The following STAT4 variants were observed in gnomAD, a reference collection of about 807,000 sequenced individuals.
STAT4 encodes signal transducer and activator of transcription 4.
A neutral mutation model predicts 110.5 loss-of-function variants in STAT4; 42 were observed. The observed-to-expected ratio is 0.38, with a 90% confidence interval of 0.30 to 0.49. The LOEUF (loss-of-function observed/expected upper bound fraction) is 0.49. Ranked by LOEUF, STAT4 falls within the 20% of genes least tolerant of loss-of-function variation. The pLI is 0.95. For synonymous variants in STAT4, 284 were observed against 302.2 expected (o/e 0.94, Z 0.63); for missense variants, 632 against 887.9 (o/e 0.71, Z 3.66).
At chr2:191,044,436 T>C (rs1478464435) in intron 14 of STAT4, among the ~76,000 whole-genome samples, 1 of 152,190 alleles carries the variant, frequency 6.6e-6, no homozygotes, top group African/African-American at 2.4e-5. Flanking sequence ...AGCCAAACTA[T>C]CAGTCAACTA....
chr2:191,041,243 A>T, intron 14 of STAT4, 95 bp from the exon 15 acceptor site: 2 of 523,966 alleles, frequency 3.8e-6, no homozygotes, highest in Non-Finnish European at 5.6e-6. Flanking sequence ...TTTATTAATA[A>T]ATTAATAAAG....
rs1477204569 is a variant in STAT4 at position 191,066,312 on chromosome 2, T to C, written c.630+118A>G. ...GGGACTGTTCCTAGAAACCTTGCCG[T>C]TTCTTCATTCAGTAAATGGAACTGA... On this transcript the variant is annotated intron_variant, in intron 7 of 23. Coordinates refer to ENST00000392320, the MANE Select transcript of STAT4 (RefSeq NM_003151.4). The surrounding 1 kb of genome is among the most constrained non-coding windows in gnomAD (Gnocchi z 4.3). 4 of 905,488 alleles carry C rather than the reference T, an allele frequency of 4.4e-6. No individual in the cohort carries two copies. 56.1% of individuals were successfully genotyped at this position (905,488 alleles called of 1,614,324 possible).
At chr2:191,041,022 G>T (rs1696183362) in intron 15 of STAT4, 43 bp downstream of exon 15, 2 of 1,287,538 alleles carry the variant, frequency 1.6e-6, no homozygotes, top group Admixed American at 2.8e-5. Context: ...ACCAATTCTT[G>T]CAAATGCCAT....
chr2:191,101,242 G>C (rs1330200987), intron 3 of STAT4, among the ~76,000 whole-genome samples: 1 of 152,002 alleles, frequency 6.6e-6, no homozygotes, highest in Non-Finnish European at 1.5e-5. Context: ...ACAAGATCTG[G>C]AGATAACCTA....
At position 191,112,675 on chromosome 2, in the gene STAT4, G is replaced by T. The variant is rs1158543252; in HGVS notation, c.273+33938C>A. ...GTACGACCTCATTTTTGACAACTTTGTGAGGTGTTATTATTACTCCATTTC... is the reference window on the plus strand; with the variant it reads ...GTACGACCTCATTTTTGACAACTTTTTGAGGTGTTATTATTACTCCATTTC... On this transcript the variant is annotated intron_variant, in intron 3 of 23. Transcript: ENST00000392320. This position sits in a 1 kb window ranked among gnomAD's most constrained non-coding sequence, Gnocchi z 4.3. Among the ~76,000 whole-genome samples, 2 of 152,192 alleles carry T rather than the reference G, an allele frequency of 1.3e-5. No individual in the cohort carries two copies. The highest frequency in any genetic ancestry group is 4.8e-5 in the African/African-American group (2 of 41,436).
intron 4 of STAT4, among the ~76,000 whole-genome samples, chr2:191,074,527 TCAAA>T (rs1037405587): frequency 2.0e-5 from 3 of 152,232 alleles, no homozygotes; most frequent in African/African-American, 7.2e-5. Flanking sequence ...GAGCATATAC[TCAAA>T]CAAACATTTT....
chr2:191,075,366 G>A (rs1012827140), intron 4 of STAT4, among the ~76,000 whole-genome samples: 8 of 152,076 alleles, frequency 5.3e-5, no homozygotes, highest in Non-Finnish European at 4.4e-5. Flanking sequence ...CCAGGAAAAT[G>A]GGATAAAATA....
intron 3 of STAT4, among the ~76,000 whole-genome samples, chr2:191,129,077 A>T (rs1174840563): frequency 6.6e-6 from 1 of 152,190 alleles, no homozygotes; most frequent in Non-Finnish European, 1.5e-5. Flanking sequence ...GTGATTGATA[A>T]CATAGAGAGT....
rs1339134993 is a variant in STAT4, at chr2:191,069,807, A to G, written c.466-36T>C. 4 of 1,498,792 alleles carry G rather than the reference A, an allele frequency of 2.7e-6. No individual in the cohort carries two copies. In the African/African-American group the frequency reaches 4.2e-5, roughly 16 times the overall value. 92.8% of individuals were successfully genotyped at this position (1,498,792 alleles called of 1,614,324 possible). A position where few individuals can be genotyped will look rare whatever the true frequency, so the allele number is the denominator to read the frequency against. ...AAGAAAACATACTCACTCTGCTGTCACAATTAAGCATGTCAATCAAACAAC... is the reference window on the plus strand; with the variant it reads ...AAGAAAACATACTCACTCTGCTGTCGCAATTAAGCATGTCAATCAAACAAC... On this transcript the variant is annotated intron_variant, in intron 5 of 23. Transcript: ENST00000392320.
rs1430264694 is a variant in STAT4, at chr2:191,058,279, T to C, written c.1095-60A>G. The stretch of plus-strand genomic sequence containing the variant: ...TTTAATAGATCTAGGAATAACTTTC[T>C]ATGATAGTTTATTTTATTTATTTAT... On this transcript the variant is annotated intron_variant, in intron 11 of 23. Coordinates refer to ENST00000392320, the MANE Select transcript of STAT4 (RefSeq NM_003151.4). The surrounding 1 kb of genome is among the most constrained non-coding windows in gnomAD (Gnocchi z 4.3). 1.4e-6 allele frequency: 2 copies of C among 1,431,380 alleles called. No homozygotes were observed. The highest frequency in any genetic ancestry group is 1.5e-5 in the African/African-American group (1 of 67,730). The allele number at this position is 1,431,380 out of a possible 1,614,324, so 88.7% of individuals were successfully genotyped here.
chr2:191,088,902 T>C (rs1457051233), intron 3 of STAT4, among the ~76,000 whole-genome samples: 2 of 152,222 alleles, frequency 1.3e-5, no homozygotes, highest in African/African-American at 4.8e-5. Context: ...ATCTAGACAC[T>C]GACCTTTCAC....
rs1698404372 is a variant in STAT4 at position 191,110,870 on chromosome 2, G to A, written c.274-34545C>T. 6.6e-6 allele frequency among the ~76,000 whole-genome samples: 1 copy of A among 152,114 alleles called. No individual in the cohort carries two copies. Among genetic ancestry groups the A allele is most frequent in the Non-Finnish European group, 1.5e-5 (1 of 68,022 alleles). ...GCAGTCTCGTCTCACTGCAACCTCT[G>A]CCTCCTGGGTTCAAGCGATTCCCCT... On this transcript the variant is annotated intron_variant, in intron 3 of 23. Transcript: ENST00000392320. This position sits in a 1 kb window ranked among gnomAD's most constrained non-coding sequence, Gnocchi z 4.5.
At position 191,099,288 on chromosome 2, in the gene STAT4, T is replaced by G. The variant is rs1313563240; in HGVS notation, c.274-22963A>C. Among the ~76,000 whole-genome samples, 1 of 152,098 alleles carries G rather than the reference T, an allele frequency of 6.6e-6. No individual in the cohort carries two copies. Among genetic ancestry groups the G allele is most frequent in the Non-Finnish European group, 1.5e-5 (1 of 67,996 alleles). On this transcript the variant is annotated intron_variant, in intron 3 of 23. Transcript: ENST00000392320. The surrounding 1 kb of genome is among the most constrained non-coding windows in gnomAD (Gnocchi z 4.1). ...ATGGAACTGTGAATTTTACAACCTA[T>G]TAGGAAAGAAATCTCAAAATATCAG...
chr2:191,120,564 G>A (rs916568321), intron 3 of STAT4, among the ~76,000 whole-genome samples: 1 of 152,074 alleles, frequency 6.6e-6, no homozygotes, highest in African/African-American at 2.4e-5. Context: ...TAAAAAAAGA[G>A]GATATTTCTG....
At chr2:191,132,126 T>C (rs1699052403) in intron 3 of STAT4, among the ~76,000 whole-genome samples, 1 of 151,744 alleles carries the variant, frequency 6.6e-6, no homozygotes, top group Admixed American at 6.6e-5. Flanking sequence ...AAGCAGAGCT[T>C]ATATTCAGTG....
At chr2:191,132,013 C>G in intron 3 of STAT4, 1 of 1,183,436 alleles carries the variant, frequency 8.4e-7, no homozygotes, top group Non-Finnish European at 1.1e-6. Flanking sequence ...TCATTCCACA[C>G]TAAATTACAA....
rs1699408023 is a variant in STAT4, at chr2:191,144,367, A to T, written c.273+2246T>A. ...GGATGGATGGGAACTAGACTGGTGG[A>T]AGAGGGATGGAAGAGCATTCCTGGC... On this transcript the variant is annotated intron_variant, in intron 3 of 23. Transcript: ENST00000392320. The surrounding 1 kb of genome is among the most constrained non-coding windows in gnomAD (Gnocchi z 4.7). Among the ~76,000 whole-genome samples the T allele has an allele frequency of 6.6e-6, 1 of 152,116 alleles. No individual in the cohort carries two copies. Among genetic ancestry groups the T allele is most frequent in the Non-Finnish European group, 1.5e-5 (1 of 68,010 alleles).
chr2:191,097,887 C>G (rs1044252119), intron 3 of STAT4, among the ~76,000 whole-genome samples: 1 of 148,216 alleles, frequency 6.7e-6, no homozygotes, highest in Admixed American at 6.8e-5. Context: ...TATCCAGAAT[C>G]TACAAAGAAC....
chr2:191,067,358 A>C (rs569578207), intron 6 of STAT4, among the ~76,000 whole-genome samples: 1 of 152,144 alleles, frequency 6.6e-6, no homozygotes, highest in South Asian at 2.1e-4. Context: ...TCTACCTAGA[A>C]ACTGGACCCC....
Sources: allele counts gnomAD v4.1 joint callset (sites outside exome capture counted in the v4.1 genomes callset), GRCh38; gene constraint gnomAD v4.1.1; non-coding constraint Gnocchi (gnomAD v3.1); transcripts MANE v1.5; gene names NCBI Gene and HGNC (gene_info 2026-07-23, HGNC 2026-07-21).